TAPBP: variants seen among roughly 807,000 people sequenced by gnomAD.
TAPBP encodes TAP binding protein, also known as tapasin.
A neutral mutation model predicts 45.7 loss-of-function variants in TAPBP; 38 were observed. The ratio of observed to expected loss-of-function variants is 0.83; its 90% CI spans 0.64 to 1.09. The LOEUF (loss-of-function observed/expected upper bound fraction) is 1.09, where lower values mean the gene tolerates loss of function less well. Among genes scored for constraint, TAPBP ranks in the 50% least tolerant of loss-of-function variants. The pLI, the probability that TAPBP is intolerant of heterozygous loss-of-function variation, is 0.00. For missense variants in TAPBP, 513 were observed against 587.3 expected (o/e 0.87, Z 1.31); for synonymous variants, 226 against 254.8 (o/e 0.89, Z 1.08).
chr6:33,308,045 G>A (rs530356558), intron 3 of TAPBP: 24 of 152,440 alleles, frequency 1.6e-4, no homozygotes, highest in South Asian at 1.0e-3. Context: ...GGCTTTTTCC[G>A]GGCATGGTGG....
chr6:33,313,330 A>T lies in TAPBP; in HGVS notation c.356T>A (p.Leu119Gln). Residue 119 changes from leucine to glutamine, a missense_variant, in exon 3 of 8, where the codon CTG becomes CAG. Transcript: ENST00000434618. The surrounding 1 kb of genome is among the most constrained non-coding windows in gnomAD (Gnocchi z 7.2). ...LTPAQNCPRA[L>Q]DGAWLMVSIS... Reference sequence around the variant, plus strand: ...GCTGACCATCAGCCAAGCCCCATCCAGGGCCCGCGGGCAGTTCTGCGCGGG... The same window carrying T: ...GCTGACCATCAGCCAAGCCCCATCCTGGGCCCGCGGGCAGTTCTGCGCGGG... The T allele has an allele frequency of 6.2e-7, 1 of 1,613,490 alleles. No individual in the cohort carries two copies. Among genetic ancestry groups the T allele is most frequent in the Non-Finnish European group, 8.5e-7 (1 of 1,179,954 alleles).
intron 3 of TAPBP, among the ~76,000 whole-genome samples, chr6:33,308,725 A>AT (rs1427519798): frequency 2.0e-5 from 3 of 150,180 alleles, no homozygotes; most frequent in Non-Finnish European, 4.4e-5. Flanking sequence ...ACATTATGAG[A>AT]TTTTTTCACA....
In TAPBP at chr6:33,313,747, C is replaced by T. The variant is rs202176584; in HGVS notation, c.155G>A (p.Gly52Glu). ...PGALLLRQGPGEPPPRPDLDP... is the reference protein window; with the variant it reads ...PGALLLRQGPEEPPPRPDLDP... The stretch of plus-strand genomic sequence containing the variant: ...GAGGTCCGGCCGGGGCGGCGGTTCC[C>T]CCGGTCCCTGGCGCAACAGCAGTGC... The change falls in exon 2 of 8, where the codon GGG (glycine) becomes GAG (glutamate). Residue 52 changes from glycine to glutamate, a missense_variant. Transcript: ENST00000434618. The surrounding 1 kb of genome is among the most constrained non-coding windows in gnomAD (Gnocchi z 7.2). 2.5e-6 allele frequency: 4 copies of T among 1,613,512 alleles called. No homozygotes were observed. Among genetic ancestry groups the T allele is most frequent in the South Asian group, 2.2e-5 (2 of 91,074 alleles).
Position 33,307,893 on chromosome 6 carries a change from G to A in TAPBP, c.470-2506C>T, listed in dbSNP as rs558656994. On this transcript the variant is annotated intron_variant, in intron 3 of 7. Transcript: ENST00000434618. ...GGCATATAGAAAATACTTGATAAATGTTAGCTGTTACTATTTTCATTACCT... is the reference window on the plus strand; with the variant it reads ...GGCATATAGAAAATACTTGATAAATATTAGCTGTTACTATTTTCATTACCT... 4.6e-5 allele frequency among the ~76,000 whole-genome samples: 7 copies of A among 152,306 alleles called. No individual in the cohort carries two copies. The South Asian group carries it at 1.4e-3, about 32-fold the overall frequency.
intron 3 of TAPBP, among the ~76,000 whole-genome samples, chr6:33,307,048 T>G (rs1294269161): frequency 6.8e-6 from 1 of 146,856 alleles, no homozygotes; most frequent in Non-Finnish European, 1.5e-5. Context: ...AACACTTTGG[T>G]AGCCTGAGGC....
At chr6:33,301,992 C>T (rs1014824378) in intron 7 of TAPBP, among the ~76,000 whole-genome samples, 1 of 152,136 alleles carries the variant, frequency 6.6e-6, no homozygotes, top group Non-Finnish European at 1.5e-5. Flanking sequence ...TCTCAGGCTC[C>T]GCTGTCCAAT....
Position 33,304,528 on chromosome 6 carries a change from C to A in TAPBP, c.979G>T (p.Glu327Ter), listed in dbSNP as rs1393776832. The change falls in exon 5 of 8, where the codon GAG becomes TAG. Residue 327 changes from glutamate to a stop codon, truncating the protein, a stop_gained. Coordinates refer to ENST00000434618, the MANE Select transcript of TAPBP (RefSeq NM_003190.5). LOFTEE classifies it high-confidence loss of function. Reference protein sequence around the residue: ...VSHFYPSGGLEVEWELRGGPG... With the variant: ...VSHFYPSGGL ...CCACCCCGGAGTTCCCACTCCACCTCCAGGCCCCCAGAAGGGTAGAAGTGG... is the reference window on the plus strand; with the variant it reads ...CCACCCCGGAGTTCCCACTCCACCTACAGGCCCCCAGAAGGGTAGAAGTGG... 6.2e-7 allele frequency: 1 copy of A among 1,612,686 alleles called. No individual in the cohort carries two copies. The highest frequency in any genetic ancestry group is 1.1e-5 in the South Asian group (1 of 91,066).
intron 7 of TAPBP, among the ~76,000 whole-genome samples, chr6:33,303,292 G>A (rs1768711766): frequency 6.6e-6 from 1 of 152,026 alleles, no homozygotes; most frequent in Admixed American, 6.6e-5. Context: ...GGTGGTGGGT[G>A]CCTGTAATCC....
Position 33,313,232 on chromosome 6 carries a change from T to C in TAPBP, c.454A>G (p.Ile152Val). The C allele has an allele frequency of 6.2e-7, 1 of 1,611,076 alleles. No homozygotes were observed. The highest frequency in any genetic ancestry group is 8.5e-7 in the Non-Finnish European group (1 of 1,177,662). ...CCCCAGCTACCTGTTGCCATGGTGATGAGAACAGGCTCCTGCTGAGGCTCT... is the reference window on the plus strand; with the variant it reads ...CCCCAGCTACCTGTTGCCATGGTGACGAGAACAGGCTCCTGCTGAGGCTCT... The part of the protein sequence containing the change: ...QPEPQQEPVL[I>V]TMATVVLTVL... Residue 152 changes from isoleucine (I) to valine (V), a missense_variant, in exon 3 of 8, where the codon ATC (isoleucine) becomes GTC (valine). Ile to Val is a conservative substitution (Grantham distance 29). Transcript: ENST00000434618. The surrounding 1 kb of genome is among the most constrained non-coding windows in gnomAD (Gnocchi z 7.2).
At position 33,312,834 on chromosome 6, in the gene TAPBP, G is replaced by A. The variant is rs540544914; in HGVS notation, c.469+383C>T. 3.1e-4 allele frequency among the ~76,000 whole-genome samples: 47 copies of A among 152,212 alleles called. 1 individual carries two copies. In the South Asian group the frequency reaches 9.1e-3, roughly 30 times the overall value. The stretch of plus-strand genomic sequence containing the variant: ...GCAGAGCAAGACACAGATCTGGGAA[G>A]AGCAGAGAAAAAACGCTCCTGCTTC... On this transcript the variant is annotated intron_variant, in intron 3 of 7. Coordinates refer to ENST00000434618, the MANE Select transcript of TAPBP (RefSeq NM_003190.5).
chr6:33,313,968 T>A lies in TAPBP; in HGVS notation c.37+37A>T. The A allele has an allele frequency of 6.2e-7, 1 of 1,613,766 alleles. No individual in the cohort carries two copies. The highest frequency in any genetic ancestry group is 1.7e-4 in the Middle Eastern group (1 of 6,060). On this transcript the variant is annotated intron_variant, in intron 1 of 7. Coordinates refer to ENST00000434618, the MANE Select transcript of TAPBP (RefSeq NM_003190.5). This position sits in a 1 kb window ranked among gnomAD's most constrained non-coding sequence, Gnocchi z 7.2. ...GTGGGGCCACCTCCCTCCGCTTCCC[T>A]CTAGTTCTTGGGCGATGAGTCGCGG...
intron 6 of TAPBP, 46 bp from the exon 7 acceptor site, chr6:33,304,035 G>A: frequency 6.2e-7 from 1 of 1,613,370 alleles, no homozygotes. Flanking sequence ...AGTGGTAGAG[G>A]TGGAGGGCAG....
chr6:33,311,781 TTA>T (rs1769359114), intron 3 of TAPBP, among the ~76,000 whole-genome samples: 1 of 152,244 alleles, frequency 6.6e-6, no homozygotes, highest in Non-Finnish European at 1.5e-5. Context: ...TACATTAGGA[TTA>T]TCCGTGGCAA....
At chr6:33,304,030 T>C (rs1768765583) in intron 6 of TAPBP, 41 bp from the exon 7 acceptor site, 2 of 1,612,682 alleles carry the variant, frequency 1.2e-6, no homozygotes, top group East Asian at 2.2e-5. Context: ...GCTGGAGTGG[T>C]AGAGGTGGAG....
chr6:33,301,592 A>G lies in TAPBP; in HGVS notation c.*168T>C. The G allele has an allele frequency of 1.6e-6, 1 of 641,072 alleles. No individual in the cohort carries two copies. Among genetic ancestry groups the G allele is most frequent in the Non-Finnish European group, 2.7e-6 (1 of 364,938 alleles). 39.7% of individuals were successfully genotyped at this position (641,072 alleles called of 1,614,324 possible). A position where few individuals can be genotyped will look rare whatever the true frequency, so the allele number is the denominator to read the frequency against. ...CCGTCTCAAAAAAAAAAAAAAAAGA[A>G]AAATTATCCCTTATATAAGTGAAAG... is the stretch of plus-strand genomic sequence containing the variant. On this transcript the variant is annotated 3_prime_UTR_variant, in exon 8 of 8. Coordinates refer to ENST00000434618, the MANE Select transcript of TAPBP (RefSeq NM_003190.5).
Position 33,304,372 on chromosome 6 carries a change from G to C in TAPBP, c.1135C>G (p.Arg379Gly), listed in dbSNP as rs145933787. Residue 379 changes from arginine to glycine, a missense_variant, in exon 5 of 8, where the codon CGC (arginine) becomes GGC (glycine). Arg to Gly is a moderately radical substitution (Grantham distance 125, BLOSUM62 -2). Transcript: ENST00000434618. ...PPVTTEQHGA[R>G]YACRIHHPSL... Reference sequence around the variant, plus strand: ...GGATGGTGAATTCGACAGGCATAGCGTGCCCCATGCTGCTCAGTGGTGACT... The same window carrying C: ...GGATGGTGAATTCGACAGGCATAGCCTGCCCCATGCTGCTCAGTGGTGACT... 8 of 1,612,754 alleles carry C rather than the reference G, an allele frequency of 5.0e-6. No homozygotes were observed. Among genetic ancestry groups the C allele is most frequent in the Non-Finnish European group, 6.8e-6 (8 of 1,179,262 alleles).
At chr6:33,309,032 A>T (rs1211777344) in intron 3 of TAPBP, among the ~76,000 whole-genome samples, 1 of 152,140 alleles carries the variant, frequency 6.6e-6, no homozygotes, top group Non-Finnish European at 1.5e-5. Context: ...AGTAGAGTAA[A>T]AACAGTATGC....
rs965170916 is a variant in TAPBP at position 33,305,054 on chromosome 6, G to A, written c.803C>T (p.Thr268Ile). ...LPTVQPFQEG[T>I]YLATIHLPYL... ...TGGCAGGTGTATGGTGGCCAGATAG[G>A]TGCCCTCCTGAAAGGGTTGAACTGT... The change falls in exon 4 of 8, where the codon ACC becomes ATC. Residue 268 changes from threonine (T) to isoleucine (I), a missense_variant. Thr to Ile is a moderately conservative substitution (Grantham distance 89, BLOSUM62 -1). Transcript: ENST00000434618. This position sits in a 1 kb window ranked among gnomAD's most constrained non-coding sequence, Gnocchi z 4.4. 3.7e-6 allele frequency: 6 copies of A among 1,613,994 alleles called. No homozygotes were observed. Among genetic ancestry groups the A allele is most frequent in the Non-Finnish European group, 5.1e-6 (6 of 1,180,006 alleles).
In TAPBP at chr6:33,313,185, C is replaced by T. The variant is rs1769487817; in HGVS notation, c.469+32G>A. The T allele has an allele frequency of 3.8e-6, 6 of 1,587,548 alleles. No individual in the cohort carries two copies. The highest frequency in any genetic ancestry group is 5.2e-6 in the Non-Finnish European group (6 of 1,161,626). ...GGCTGATCTGGACCCTTAGAATCTA[C>T]CCACCCTTCTCCACCTCCCCTCCCC... On this transcript the variant is annotated intron_variant, in intron 3 of 7. Coordinates refer to ENST00000434618, the MANE Select transcript of TAPBP (RefSeq NM_003190.5). This position sits in a 1 kb window ranked among gnomAD's most constrained non-coding sequence, Gnocchi z 7.2.
Sources: gnomAD v4.1 joint callset for allele counts (sites outside exome capture counted in the v4.1 genomes callset) on GRCh38, gnomAD v4.1.1 for gene constraint, Gnocchi (gnomAD v3.1) non-coding constraint, MANE v1.5 for transcripts, NCBI Gene and HGNC (gene_info 2026-07-23, HGNC 2026-07-21) for gene names.